DLGAP1: variants seen among roughly 807,000 people sequenced by gnomAD.
The protein encoded by DLGAP1 is DLG associated protein 1.
In DLGAP1, 11 loss-of-function variants were observed where a neutral mutation model predicts 90.8. The ratio of observed to expected loss-of-function variants is 0.12; its 90% CI spans 0.08 to 0.20. The LOEUF is 0.20. Among genes scored for constraint, DLGAP1 ranks in the 10% least tolerant of loss-of-function variants. The probability of loss-of-function intolerance (pLI) is 1.00; values close to 1 mark genes in which losing one functional copy is unlikely to be tolerated. For missense variants in DLGAP1, 1,050 were observed against 1,333.8 expected (o/e 0.79, Z 3.31); for synonymous variants, 558 against 540.7 (o/e 1.03, Z -0.44).
chr18:3,971,267 C>A (rs1458937495), intron 3 of DLGAP1, among the ~76,000 whole-genome samples: 6 of 152,166 alleles, frequency 3.9e-5, no homozygotes, highest in Non-Finnish European at 7.4e-5. Context: ...TATTTCTTTT[C>A]AGAGGTAGGA....
At chr18:3,952,153 T>G (rs1308706661) in intron 3 of DLGAP1, among the ~76,000 whole-genome samples, 1 of 152,236 alleles carries the variant, frequency 6.6e-6, no homozygotes, top group African/African-American at 2.4e-5. Context: ...AAACTATGCG[T>G]AGGAGCATTT....
intron 4 of DLGAP1, among the ~76,000 whole-genome samples, chr18:3,837,952 C>T (rs1428508883): frequency 7.2e-6 from 1 of 139,072 alleles, no homozygotes; most frequent in Non-Finnish European, 1.5e-5. Context: ...TGGAAAAGAA[C>T]CATTTTTTAA....
chr18:4,054,236 C>A (rs965745385), intron 2 of DLGAP1, among the ~76,000 whole-genome samples: 12 of 152,156 alleles, frequency 7.9e-5, no homozygotes, highest in Admixed American at 5.2e-4. Flanking sequence ...ATGGGAGCCC[C>A]ATGAGGGATA....
intron 5 of DLGAP1, chr18:3,769,923 TATCTCAAAATAATTTTA>T (rs1042555571): frequency 3.3e-5 from 5 of 152,228 alleles, no homozygotes; most frequent in Middle Eastern, 3.4e-3. Flanking sequence ...AATCTACAAT[TATCTCAAAATAATTTTA>T]ATCTCAAAAT....
At chr18:3,841,309 G>A (rs1478363056) in intron 4 of DLGAP1, among the ~76,000 whole-genome samples, 1 of 152,152 alleles carries the variant, frequency 6.6e-6, no homozygotes, top group Non-Finnish European at 1.5e-5. Context: ...GAGAAAGGCT[G>A]AAAACTCCTG....
At chr18:3,872,793 A>T (rs1186046136) in intron 4 of DLGAP1, among the ~76,000 whole-genome samples, 1 of 152,184 alleles carries the variant, frequency 6.6e-6, no homozygotes. Flanking sequence ...ACTGTCTTTA[A>T]TTTGCAATCA....
chr18:3,753,855 C>A (rs549312338), intron 5 of DLGAP1, among the ~76,000 whole-genome samples: 10 of 152,282 alleles, frequency 6.6e-5, no homozygotes, highest in Non-Finnish European at 1.5e-4. Flanking sequence ...CCCAAGGAAG[C>A]CAGGCTTAAA....
chr18:4,110,153 A>G (rs2075947826), intron 2 of DLGAP1, among the ~76,000 whole-genome samples: 2 of 152,212 alleles, frequency 1.3e-5, no homozygotes, highest in South Asian at 4.1e-4. Flanking sequence ...GACCTAGCCT[A>G]CTAAACACCT....
intron 5 of DLGAP1, among the ~76,000 whole-genome samples, chr18:3,760,359 A>G (rs1021932549): frequency 3.9e-5 from 6 of 152,230 alleles, no homozygotes; most frequent in African/African-American, 1.2e-4. Context: ...CCTGGGTGAC[A>G]GGAGGCAAGT....
intron 2 of DLGAP1, among the ~76,000 whole-genome samples, chr18:4,138,053 A>T (rs2076435673): frequency 6.6e-6 from 1 of 152,074 alleles, no homozygotes; most frequent in Non-Finnish European, 1.5e-5. Context: ...TGATCTGCAA[A>T]CATAGATAAT....
intron 3 of DLGAP1, among the ~76,000 whole-genome samples, chr18:3,882,655 A>G (rs2071205871): frequency 1.3e-5 from 2 of 152,136 alleles, no homozygotes; most frequent in African/African-American, 4.8e-5. Flanking sequence ...TCACTCATTC[A>G]TATCCCATGT....
At chr18:4,398,989 G>A (rs1316281349) in intron 1 of DLGAP1, among the ~76,000 whole-genome samples, 12 of 152,032 alleles carry the variant, frequency 7.9e-5, no homozygotes, top group Admixed American at 3.3e-4. Context: ...GCACCACTAC[G>A]CCTGGTTAAT....
intron 2 of DLGAP1, among the ~76,000 whole-genome samples, chr18:4,135,860 A>C (rs552816532): frequency 2.9e-4 from 35 of 120,096 alleles, no homozygotes; most frequent in East Asian, 2.1e-3. Flanking sequence ...TTTTATTATT[A>C]TTCTTCTTAT....
chr18:4,421,252 A>ATC (rs937545445), intron 1 of DLGAP1, among the ~76,000 whole-genome samples: 4 of 150,584 alleles, frequency 2.7e-5, no homozygotes, highest in East Asian at 1.9e-4. Flanking sequence ...TTGTAGCCAC[A>ATC]TCTCTCTCTC....
Position 3,639,045 on chromosome 18 carries a change from A to G in DLGAP1, c.1592-56797T>C, listed in dbSNP as rs908802212. On this transcript the variant is annotated intron_variant, in intron 7 of 12. Transcript: ENST00000315677. Reference sequence around the variant, plus strand: ...CTTCAGTTTCCTAAGATAGCTTTTTACCCTCGTCGGTTTTGAAAGGAAAAA... The same window carrying G: ...CTTCAGTTTCCTAAGATAGCTTTTTGCCCTCGTCGGTTTTGAAAGGAAAAA... Among the ~76,000 whole-genome samples, 6 of 152,252 alleles carry G rather than the reference A, an allele frequency of 3.9e-5. No individual in the cohort carries two copies. The South Asian group carries it at 1.0e-3, about 26-fold the overall frequency.
rs572675481 is a variant in DLGAP1 at position 3,612,327 on chromosome 18, G to C, written c.1592-30079C>G. ...GATAAGAATGAAAAACTTCCTTATA[G>C]GGTTGTAGAGAGGCTGAAAGGAAGC... is the stretch of plus-strand genomic sequence containing the variant. On this transcript the variant is annotated intron_variant, in intron 7 of 12. Coordinates refer to ENST00000315677, the MANE Select transcript of DLGAP1 (RefSeq NM_004746.4). 1.8e-3 allele frequency among the ~76,000 whole-genome samples: 279 copies of C among 152,316 alleles called. 3 individuals carry two copies. Among genetic ancestry groups the C allele is most frequent in the Non-Finnish European group, 1.5e-3 (104 of 68,026 alleles).
chr18:3,641,487 A>T (rs2058937423), intron 7 of DLGAP1, among the ~76,000 whole-genome samples: 1 of 146,128 alleles, frequency 6.8e-6, no homozygotes, highest in South Asian at 2.3e-4. Flanking sequence ...CGGTGAGCTG[A>T]GATGGCACCA....
intron 2 of DLGAP1, among the ~76,000 whole-genome samples, chr18:4,040,863 G>C (rs1346728086): frequency 6.6e-6 from 1 of 152,222 alleles, no homozygotes; most frequent in Admixed American, 6.5e-5. Context: ...TCCATGTCAA[G>C]AAACAGCTTT....
At chr18:4,134,650 T>C (rs190975004) in intron 2 of DLGAP1, among the ~76,000 whole-genome samples, 21 of 152,240 alleles carry the variant, frequency 1.4e-4, no homozygotes, top group African/African-American at 5.1e-4. Context: ...TGTGTAACAT[T>C]TAGAGCTTGT....
Sources: gnomAD v4.1 joint callset for allele counts (sites outside exome capture counted in the v4.1 genomes callset) on GRCh38, gnomAD v4.1.1 for gene constraint, MANE v1.5 for transcripts, NCBI Gene and HGNC (gene_info 2026-07-23, HGNC 2026-07-21) for gene names.